The following GLT8D2 variants were observed in gnomAD, a reference collection of about 807,000 sequenced individuals.
GLT8D2 encodes glycosyltransferase 8 domain-containing protein 2.
Under a neutral mutation model 44.5 loss-of-function variants are expected in GLT8D2, and 45 were observed. The ratio of observed to expected loss-of-function variants is 1.01; its 90% CI spans 0.80 to 1.30. The LOEUF (loss-of-function observed/expected upper bound fraction) is 1.30, where lower values mean the gene tolerates loss of function less well. Among genes scored for constraint, GLT8D2 ranks in the 50% most tolerant of loss-of-function variants. The pLI is 0.00. For synonymous variants in GLT8D2, 156 were observed against 157.2 expected, an observed-to-expected ratio of 0.99 and a Z score of 0.06; for missense variants, 400 against 430.4, an observed-to-expected ratio of 0.93 and a Z score of 0.62.
chr12:104,042,306 C>G (rs1201695325), intron 1 of GLT8D2, among the ~76,000 whole-genome samples: 1 of 152,192 alleles, frequency 6.6e-6, no homozygotes, highest in African/African-American at 2.4e-5. Context: ...TGGAGCTAGG[C>G]AGCCACCTTG....
intron 1 of GLT8D2, among the ~76,000 whole-genome samples, chr12:104,026,003 G>C (rs865783453): frequency 6.6e-6 from 1 of 152,150 alleles, no homozygotes; most frequent in Non-Finnish European, 1.5e-5. Context: ...ATGTGGCCAG[G>C]TATGGTGGCT....
At chr12:104,037,571 T>C (rs1385419497) in intron 1 of GLT8D2, among the ~76,000 whole-genome samples, 1 of 152,144 alleles carries the variant, frequency 6.6e-6, no homozygotes, top group Non-Finnish European at 1.5e-5. Flanking sequence ...CCTGGATGCA[T>C]ACACCCTCCC....
chr12:104,034,601 A>G (rs929440940), intron 1 of GLT8D2, among the ~76,000 whole-genome samples: 2 of 152,200 alleles, frequency 1.3e-5, no homozygotes, highest in Admixed American at 1.3e-4. Flanking sequence ...GGCGTCCACC[A>G]TTGCTGAGGT....
rs556762110 is a variant in GLT8D2 at position 103,989,250 on chromosome 12, A to G, written c.*158T>C. Reference sequence around the variant, plus strand: ...TACTTAAAGAAGTTAATCAATGCCTATATGGTCCAAGGTATAATTTGCACA... The same window carrying G: ...TACTTAAAGAAGTTAATCAATGCCTGTATGGTCCAAGGTATAATTTGCACA... On this transcript the variant is annotated 3_prime_UTR_variant, in exon 11 of 11. Transcript: ENST00000360814. 13 of 526,740 alleles carry G rather than the reference A, an allele frequency of 2.5e-5. No homozygotes were observed. The highest frequency in any genetic ancestry group is 7.4e-5 in the South Asian group (2 of 26,868). 32.6% of individuals were successfully genotyped at this position (526,740 alleles called of 1,614,324 possible). A position where few individuals can be genotyped will look rare whatever the true frequency, so the allele number is the denominator to read the frequency against.
intron 1 of GLT8D2, among the ~76,000 whole-genome samples, chr12:104,046,564 CAT>C (rs1198325654): frequency 6.6e-6 from 1 of 152,214 alleles, no homozygotes; most frequent in Non-Finnish European, 1.5e-5. Flanking sequence ...AAGCAACTGA[CAT>C]AAGCTCTGTG....
rs539629830 is a variant in GLT8D2 at position 104,057,491 on chromosome 12, A to G, written c.-423+6458T>C. Among the ~76,000 whole-genome samples the G allele has an allele frequency of 2.0e-5, 3 of 151,892 alleles. No individual in the cohort carries two copies. The South Asian group carries it at 6.3e-4, about 32-fold the overall frequency. ...AGCTGTGATCATGCCACTGTACTTC[A>G]GCTCAGGTGACAAAGACCCTGTCTC... On this transcript the variant is annotated intron_variant, in intron 1 of 10. Transcript: ENST00000548660.
At chr12:104,002,704 G>A (rs1301225642) in intron 5 of GLT8D2, among the ~76,000 whole-genome samples, 1 of 152,160 alleles carries the variant, frequency 6.6e-6, no homozygotes, top group African/African-American at 2.4e-5. Context: ...AGCATTTTGG[G>A]AGGCTGAGGA....
intron 10 of GLT8D2, 42 bp from the exon 11 acceptor site, chr12:103,989,619 A>G: frequency 6.7e-7 from 1 of 1,487,228 alleles, no homozygotes. Context: ...TTGTTAGAGA[A>G]TAACATTTTT....
chr12:104,033,490 G>A (rs1879561578), intron 1 of GLT8D2, among the ~76,000 whole-genome samples: 1 of 152,198 alleles, frequency 6.6e-6, no homozygotes, highest in South Asian at 2.1e-4. Context: ...TGGTTACCAG[G>A]GACAGAGAGG....
chr12:104,020,900 C>A (rs1022935061), intron 2 of GLT8D2, among the ~76,000 whole-genome samples: 1 of 152,130 alleles, frequency 6.6e-6, no homozygotes, highest in Admixed American at 6.5e-5. Flanking sequence ...CAGAGAGGTA[C>A]CAAGGGGCCG....
At chr12:104,037,047 C>G (rs975989987) in intron 1 of GLT8D2, among the ~76,000 whole-genome samples, 5 of 152,188 alleles carry the variant, frequency 3.3e-5, no homozygotes, top group African/African-American at 1.2e-4. Flanking sequence ...ACCGAACAAC[C>G]TGCTCCTGAA....
At chr12:104,013,693 C>T (rs1876162174) in intron 4 of GLT8D2, among the ~76,000 whole-genome samples, 1 of 151,954 alleles carries the variant, frequency 6.6e-6, no homozygotes, top group Non-Finnish European at 1.5e-5. Flanking sequence ...GTTTCCAGTC[C>T]CTAAGTGTCT....
At chr12:104,030,886 G>A (rs1879166689) in intron 1 of GLT8D2, 2 of 1,559,482 alleles carry the variant, frequency 1.3e-6, no homozygotes, top group Admixed American at 3.5e-5. Context: ...CGGGCCACGA[G>A]GAGGCGAAGC....
At chr12:104,026,941 T>G (rs1239794998) in intron 1 of GLT8D2, among the ~76,000 whole-genome samples, 1 of 152,170 alleles carries the variant, frequency 6.6e-6, no homozygotes, top group Admixed American at 6.6e-5. Context: ...CTTTAGAAAC[T>G]AACAACATGA....
chr12:104,005,875 A>T (rs1874930914), intron 4 of GLT8D2, among the ~76,000 whole-genome samples: 1 of 152,190 alleles, frequency 6.6e-6, no homozygotes, highest in Non-Finnish European at 1.5e-5. Context: ...CAGCCATCCC[A>T]TTACTGGGTA....
At chr12:104,023,950 G>T (rs920987524) in intron 1 of GLT8D2, among the ~76,000 whole-genome samples, 1 of 152,156 alleles carries the variant, frequency 6.6e-6, no homozygotes, top group Non-Finnish European at 1.5e-5. Context: ...GGACATTTGG[G>T]TTGTTTCCAT....
upstream of GLT8D2, among the ~76,000 whole-genome samples, chr12:104,054,839 C>T (rs556406497): frequency 6.6e-6 from 1 of 152,086 alleles, no homozygotes; most frequent in Non-Finnish European, 1.5e-5. Flanking sequence ...GATAAGAGGC[C>T]TGCACTGTGC....
At chr12:104,003,528 C>G (rs533029827) in intron 4 of GLT8D2, among the ~76,000 whole-genome samples, 1 of 152,326 alleles carries the variant, frequency 6.6e-6, no homozygotes, top group East Asian at 1.9e-4. Context: ...CCGTGCAGCT[C>G]TATATGATCA....
At chr12:104,034,655 G>A (rs1195095800) in intron 1 of GLT8D2, among the ~76,000 whole-genome samples, 1 of 152,266 alleles carries the variant, frequency 6.6e-6, no homozygotes, top group Non-Finnish European at 1.5e-5. Context: ...GAACTGGGCA[G>A]AGCCCACCAC....
Sources: allele counts gnomAD v4.1 joint callset (sites outside exome capture counted in the v4.1 genomes callset), GRCh38; gene constraint gnomAD v4.1.1; transcripts MANE v1.5; gene names NCBI Gene and HGNC (gene_info 2026-07-23, HGNC 2026-07-21).